ARHGEF10L: variants seen among roughly 807,000 people sequenced by gnomAD.
ARHGEF10L encodes rho guanine nucleotide exchange factor 10-like protein.
Under a neutral mutation model 141.2 loss-of-function variants are expected in ARHGEF10L, and 69 were observed. The ratio of observed to expected loss-of-function variants is 0.49; its 90% confidence interval spans 0.40 to 0.60. ARHGEF10L has a LOEUF of 0.60. Ranked by LOEUF, ARHGEF10L falls within the 20% of genes least tolerant of loss-of-function variation. The pLI is 0.00. For missense variants in ARHGEF10L, 1,482 were observed against 1,734.3 expected, an observed-to-expected ratio of 0.85 and a Z score of 2.58; for synonymous variants, 711 against 718.5, an observed-to-expected ratio of 0.99 and a Z score of 0.17.
chr1:17,528,249 G>A, the ARHGEF10L span, among the ~76,000 whole-genome samples: 2 of 151,830 alleles, frequency 1.3e-5, no homozygotes, highest in East Asian at 3.9e-4. Context: ...TTGAAACAGA[G>A]TCTTGCTCTG....
Position 17,621,723 on chromosome 1 carries a change from T to C in ARHGEF10L, c.943-141T>C, listed in dbSNP as rs1160310273. On this transcript the variant is annotated intron_variant, in intron 10 of 28. Transcript: ENST00000361221. This position sits in a 1 kb window ranked among gnomAD's most constrained non-coding sequence, Gnocchi z 4.1. ...TTGGCAGGGGCTCTGGAAGGAAGAGTGGCCACCAGGCCCAGTGGTCCCAGG... is the reference window on the plus strand; with the variant it reads ...TTGGCAGGGGCTCTGGAAGGAAGAGCGGCCACCAGGCCCAGTGGTCCCAGG... 10 of 718,404 alleles carry C rather than the reference T, an allele frequency of 1.4e-5. No homozygotes were observed. The East Asian group carries it at 2.3e-4, about 16-fold the overall frequency. The allele number at this position is 718,404 out of a possible 1,614,324, so 44.5% of individuals were successfully genotyped here.
chr1:17,648,427 G>T (rs2061721435), intron 21 of ARHGEF10L, 127 bp from the exon 22 acceptor site: 2 of 1,194,096 alleles, frequency 1.7e-6, no homozygotes, highest in Non-Finnish European at 1.2e-6. Context: ...GAGTAGGGTG[G>T]GGAGTGACTG....
chr1:17,679,927 G>A (rs563135202), intron 26 of ARHGEF10L, among the ~76,000 whole-genome samples: 10 of 152,324 alleles, frequency 6.6e-5, no homozygotes, highest in African/African-American at 1.9e-4. Context: ...GGGCCAGCTC[G>A]GTGGTGACTG....
At chr1:17,541,034 C>T (rs1234216673) in intron 1 of ARHGEF10L, among the ~76,000 whole-genome samples, 1 of 152,172 alleles carries the variant, frequency 6.6e-6, no homozygotes, top group Non-Finnish European at 1.5e-5. Context: ...TGGGGACTGC[C>T]CTTCCCCTTC....
chr1:17,693,080 CTTGTTTCTGTTT>C (rs1196675230), intron 27 of ARHGEF10L, among the ~76,000 whole-genome samples: 1 of 152,210 alleles, frequency 6.6e-6, no homozygotes, highest in African/African-American at 2.4e-5. Flanking sequence ...GTTTACATCC[CTTGTTTCTGTTT>C]TTGTTTCCTG....
chr1:17,536,102 G>A (rs2076572299), upstream of ARHGEF10L, among the ~76,000 whole-genome samples: 1 of 152,210 alleles, frequency 6.6e-6, no homozygotes, highest in Admixed American at 6.5e-5. Context: ...TAGTGTCTGG[G>A]GGATGGAGTA....
chr1:17,635,461 C>T (rs965694688), intron 18 of ARHGEF10L, among the ~76,000 whole-genome samples: 6 of 152,228 alleles, frequency 3.9e-5, no homozygotes, highest in Non-Finnish European at 8.8e-5. Flanking sequence ...ACTCACCTCC[C>T]TCTGCCCCTT....
At chr1:17,647,613 G>A (rs1409157674) in intron 21 of ARHGEF10L, among the ~76,000 whole-genome samples, 1 of 152,228 alleles carries the variant, frequency 6.6e-6, no homozygotes, top group Non-Finnish European at 1.5e-5. Flanking sequence ...TCAGGGGACA[G>A]TGGTGAATGA....
At chr1:17,679,118 G>A (rs1298475523) in intron 26 of ARHGEF10L, among the ~76,000 whole-genome samples, 1 of 152,198 alleles carries the variant, frequency 6.6e-6, no homozygotes, top group Non-Finnish European at 1.5e-5. Flanking sequence ...CCTGAGCTAG[G>A]AGAGTCCAGC....
chr1:17,663,291 C>T (rs1571358053), intron 25 of ARHGEF10L, among the ~76,000 whole-genome samples: 1 of 152,144 alleles, frequency 6.6e-6, no homozygotes, highest in Non-Finnish European at 1.5e-5. Flanking sequence ...GTGGCTCATG[C>T]CTGTAATCCC....
At chr1:17,620,828 C>T (rs561900933) in intron 10 of ARHGEF10L, among the ~76,000 whole-genome samples, 1 of 152,188 alleles carries the variant, frequency 6.6e-6, no homozygotes, top group Non-Finnish European at 1.5e-5. Flanking sequence ...AGCGTCCTAA[C>T]TTTGCTGCAC....
intron 23 of ARHGEF10L, among the ~76,000 whole-genome samples, chr1:17,655,474 TCCATCTATCC>T (rs879841370): frequency 0.013 from 1,497 of 119,266 alleles, 39 homozygotes; most frequent in Admixed American, 0.075. Flanking sequence ...CATCCATCCA[TCCATCTATCC>T]ATCCATCCAT....
chr1:17,534,449 C>T, the ARHGEF10L span, among the ~76,000 whole-genome samples: 2 of 151,826 alleles, frequency 1.3e-5, no homozygotes, highest in African/African-American at 2.4e-5. Flanking sequence ...TTAGTAGAGA[C>T]GGGGTTTTGC....
At chr1:17,622,754 A>G (rs1396200894) in intron 11 of ARHGEF10L, among the ~76,000 whole-genome samples, 3 of 152,154 alleles carry the variant, frequency 2.0e-5, no homozygotes, top group South Asian at 2.1e-4. Flanking sequence ...GATGGCGCAT[A>G]AAAGACCCTC....
Position 17,639,541 on chromosome 1 carries a change from C to T in ARHGEF10L, c.2172-661C>T, listed in dbSNP as rs971840472. Among the ~76,000 whole-genome samples the T allele has an allele frequency of 2.6e-5, 4 of 152,000 alleles. No homozygotes were observed. Among genetic ancestry groups the T allele is most frequent in the South Asian group, 2.1e-4 (1 of 4,820 alleles). On this transcript the variant is annotated intron_variant, in intron 20 of 28. Coordinates refer to ENST00000361221, the MANE Select transcript of ARHGEF10L (RefSeq NM_018125.4). The surrounding 1 kb of genome is among the most constrained non-coding windows in gnomAD (Gnocchi z 4.3). Reference sequence around the variant, plus strand: ...CCGCCTCCCTGTTGAGTGGCCTGTCCGTCTCCCTTCCTCCATCTCCCTTCT... The same window carrying T: ...CCGCCTCCCTGTTGAGTGGCCTGTCTGTCTCCCTTCCTCCATCTCCCTTCT...
At chr1:17,543,720 TCA>T (rs1404837139) in intron 1 of ARHGEF10L, among the ~76,000 whole-genome samples, 2 of 151,510 alleles carry the variant, frequency 1.3e-5, no homozygotes, top group African/African-American at 4.8e-5. Context: ...CAATCTTAGC[TCA>T]CTGCAACCAC....
chr1:17,692,775 C>T (rs559556513), intron 27 of ARHGEF10L, among the ~76,000 whole-genome samples: 7 of 152,358 alleles, frequency 4.6e-5, no homozygotes, highest in African/African-American at 1.7e-4. Flanking sequence ...ATTATGAGCC[C>T]CAGTCCTGGC....
chr1:17,531,144 G>A, the ARHGEF10L span, among the ~76,000 whole-genome samples: 1 of 152,228 alleles, frequency 6.6e-6, no homozygotes, highest in Admixed American at 6.5e-5. Context: ...CACAGTAAAA[G>A]TGGGGGCATC....
rs758126618 is a variant in ARHGEF10L, at chr1:17,587,464, T to A, written c.42T>A (p.Asp14Glu). 1 of 1,612,264 alleles carries A rather than the reference T, an allele frequency of 6.2e-7. No individual in the cohort carries two copies. Among genetic ancestry groups the A allele is most frequent in the Non-Finnish European group, 8.5e-7 (1 of 1,179,224 alleles). ...CCAACTCCTTCTCTCTTCCAGGAGATCAGCTGGTTCCAGGAGTCCCAGGCC... is the reference window on the plus strand; with the variant it reads ...CCAACTCCTTCTCTCTTCCAGGAGAACAGCTGGTTCCAGGAGTCCCAGGCC... ...SNPPPQPAIG[D>E]QLVPGVPGPS... Residue 14 changes from aspartate to glutamate, a missense_variant, in exon 3 of 29, where the codon GAT becomes GAA. Physicochemically the swap from Asp to Glu is conservative, Grantham distance 45. Around this residue, in one of 3 missense-constraint regions of ARHGEF10L, gnomAD observed 232 missense variants for 225.9 expected, o/e 1.03. Transcript: ENST00000361221.
Sources: allele counts gnomAD v4.1 joint callset (sites outside exome capture counted in the v4.1 genomes callset), GRCh38; gene constraint gnomAD v4.1.1; regional missense constraint gnomAD v4.1.1; non-coding constraint Gnocchi (gnomAD v3.1); transcripts MANE v1.5; gene names NCBI Gene and HGNC (gene_info 2026-07-23, HGNC 2026-07-21).